SUGCT: variants seen among roughly 807,000 people sequenced by gnomAD.
SUGCT encodes succinyl-CoA:glutarate CoA-transferase.
A neutral mutation model predicts 55.0 loss-of-function variants in SUGCT; 41 were observed. That is an observed-to-expected ratio of 0.74 (90% confidence interval 0.58 to 0.97). SUGCT has a LOEUF of 0.97. Among genes scored for constraint, SUGCT ranks in the 50% least tolerant of loss-of-function variants. The probability of loss-of-function intolerance (pLI) is 0.00; values close to 1 mark genes in which losing one functional copy is unlikely to be tolerated. For missense variants in SUGCT, 568 were observed against 547.8 expected, an observed-to-expected ratio of 1.04 and a Z score of -0.37; for synonymous variants, 187 against 200.4, an observed-to-expected ratio of 0.93 and a Z score of 0.56.
intron 6 of SUGCT, among the ~76,000 whole-genome samples, chr7:40,208,419 G>T (rs2150785122): frequency 6.6e-6 from 1 of 152,250 alleles, no homozygotes; most frequent in African/African-American, 2.4e-5. Flanking sequence ...GGTATTCCAT[G>T]GAAGAAATTC....
At chr7:40,496,554 G>T (rs1360827257) in intron 12 of SUGCT, among the ~76,000 whole-genome samples, 168 bp downstream of exon 12, 1 of 152,144 alleles carries the variant, frequency 6.6e-6, no homozygotes, top group Non-Finnish European at 1.5e-5. Context: ...AGAAGTGCCT[G>T]TCCATAAGCA....
chr7:40,818,852 G>A (rs534909245), intron 13 of SUGCT, among the ~76,000 whole-genome samples: 81 of 151,716 alleles, frequency 5.3e-4, no homozygotes, highest in African/African-American at 1.8e-3. Context: ...TTGGTGTGCC[G>A]CACCTATTAA....
At chr7:40,754,453 T>G (rs1788159715) in intron 13 of SUGCT, among the ~76,000 whole-genome samples, 1 of 152,190 alleles carries the variant, frequency 6.6e-6, no homozygotes, top group African/African-American at 2.4e-5. Flanking sequence ...CCCCGACAAC[T>G]AACCTAACTA....
chr7:40,441,107 C>A (rs1788491324), intron 9 of SUGCT, among the ~76,000 whole-genome samples: 2 of 152,050 alleles, frequency 1.3e-5, no homozygotes, highest in Admixed American at 1.3e-4. Context: ...CCCATTGTAC[C>A]CAGAGCCTAG....
chr7:40,987,810 C>A, the SUGCT span, among the ~76,000 whole-genome samples: 44 of 152,100 alleles, frequency 2.9e-4, no homozygotes, highest in Non-Finnish European at 5.1e-4. Flanking sequence ...AGAGCAGGAA[C>A]CATTATTTGT....
At chr7:40,525,190 A>G (rs1328075581) in intron 12 of SUGCT, among the ~76,000 whole-genome samples, 1 of 152,186 alleles carries the variant, frequency 6.6e-6, no homozygotes, top group Non-Finnish European at 1.5e-5. Context: ...GCCTATTCTC[A>G]CGTTGGCATT....
chr7:40,467,646 T>A (rs1204089403), intron 11 of SUGCT, among the ~76,000 whole-genome samples: 1 of 152,202 alleles, frequency 6.6e-6, no homozygotes, highest in Non-Finnish European at 1.5e-5. Context: ...TAGTTTTAAA[T>A]TCATGAACCT....
chr7:40,283,595 A>G (rs1562644329), intron 8 of SUGCT, among the ~76,000 whole-genome samples: 13 of 152,166 alleles, frequency 8.5e-5, no homozygotes. Context: ...AACACTATGA[A>G]TCATCAGGGA....
At chr7:40,725,022 A>G (rs1338216693) in intron 12 of SUGCT, among the ~76,000 whole-genome samples, 1 of 152,222 alleles carries the variant, frequency 6.6e-6, no homozygotes, top group Non-Finnish European at 1.5e-5. Context: ...AATGCTGGAC[A>G]GGAGGAGTGC....
intron 13 of SUGCT, among the ~76,000 whole-genome samples, chr7:40,781,468 T>TAC (rs1437712646): frequency 2.0e-5 from 3 of 151,782 alleles, no homozygotes; most frequent in Non-Finnish European, 4.4e-5. Flanking sequence ...GCAGGGAAGA[T>TAC]ACACACACAC....
At chr7:40,245,035 A>T (rs1789724328) in intron 7 of SUGCT, among the ~76,000 whole-genome samples, 1 of 151,848 alleles carries the variant, frequency 6.6e-6, no homozygotes, top group African/African-American at 2.4e-5. Context: ...ACCAAGCAAA[A>T]TAGTCTTCCT....
chr7:40,179,123 G>A (rs974214457), intron 1 of SUGCT, among the ~76,000 whole-genome samples: 3 of 152,070 alleles, frequency 2.0e-5, no homozygotes, highest in Non-Finnish European at 4.4e-5. Context: ...GAGCAGGGAA[G>A]GATATTATGT....
chr7:40,335,523 G>A (rs942699593), intron 9 of SUGCT, among the ~76,000 whole-genome samples: 3 of 151,948 alleles, frequency 2.0e-5, no homozygotes, highest in African/African-American at 4.8e-5. Flanking sequence ...GTGAATGGGA[G>A]TTCACTCATG....
At chr7:40,893,486 G>A in the SUGCT span, among the ~76,000 whole-genome samples, 1 of 152,114 alleles carries the variant, frequency 6.6e-6, no homozygotes, top group African/African-American at 2.4e-5. Context: ...ACCATTCCAA[G>A]TATCTTTTCT....
rs145406230 is a variant in SUGCT, at chr7:40,476,741, G to A, written c.986+17543G>A. Among the ~76,000 whole-genome samples, 791 of 151,230 alleles carry A rather than the reference G, an allele frequency of 5.2e-3. 15 individuals carry two copies. Among genetic ancestry groups the A allele is most frequent in the Admixed American group, 7.4e-3 (113 of 15,188 alleles). ...ATTGTCATGAGAATATTATTATATT[G>A]AATATTACTGTACAAATGGAATGAT... is the stretch of plus-strand genomic sequence containing the variant. On this transcript the variant is annotated intron_variant, in intron 11 of 13. Coordinates refer to ENST00000335693, the MANE Select transcript of SUGCT (RefSeq NM_001193313.2).
At chr7:40,434,749 C>T (rs1216351993) in intron 9 of SUGCT, among the ~76,000 whole-genome samples, 2 of 152,138 alleles carry the variant, frequency 1.3e-5, no homozygotes, top group Admixed American at 1.3e-4. Flanking sequence ...CAAGTCCAGA[C>T]CCTGGAATAT....
intron 3 of SUGCT, among the ~76,000 whole-genome samples, chr7:40,182,683 C>T (rs1456719988): frequency 1.3e-5 from 2 of 152,064 alleles, no homozygotes; most frequent in Non-Finnish European, 2.9e-5. Flanking sequence ...TTAATCTTTA[C>T]AACAACCCTA....
chr7:40,973,881 C>G, the SUGCT span, among the ~76,000 whole-genome samples: 1 of 152,210 alleles, frequency 6.6e-6, no homozygotes, highest in African/African-American at 2.4e-5. Context: ...CTCTCTCTTT[C>G]ATCCCCCAGT....
intron 13 of SUGCT, among the ~76,000 whole-genome samples, chr7:40,851,726 C>CTTT (rs1436340111): frequency 2.0e-5 from 3 of 152,120 alleles, no homozygotes; most frequent in Non-Finnish European, 4.4e-5. Context: ...CCCATGAAGT[C>CTTT]CATAGATATT....
Sources: gnomAD v4.1 joint callset for allele counts (sites outside exome capture counted in the v4.1 genomes callset) on GRCh38, gnomAD v4.1.1 for gene constraint, MANE v1.5 for transcripts, NCBI Gene and HGNC (gene_info 2026-07-23, HGNC 2026-07-21) for gene names.